The following RNF111 variants were observed in gnomAD, a reference collection of about 807,000 sequenced individuals.
RNF111 encodes the protein ring finger protein 111.
Under a neutral mutation model 95.1 loss-of-function variants are expected in RNF111, and 17 were observed. That is an observed-to-expected ratio of 0.18 (90% confidence interval 0.12 to 0.27). The LOEUF is 0.27. Ranked by LOEUF, RNF111 falls within the 10% of genes least tolerant of loss-of-function variation. RNF111 has a pLI of 1.00. For synonymous variants in RNF111, 440 were observed against 414.8 expected (o/e 1.06, Z -0.74); for missense variants, 1,189 against 1,210.4 (o/e 0.98, Z 0.26).
chr15:59,018,013 C>T (rs1490759823), intron 1 of RNF111, among the ~76,000 whole-genome samples: 1 of 152,054 alleles, frequency 6.6e-6, no homozygotes, highest in African/African-American at 2.4e-5. Context: ...CCTGCCTCAG[C>T]CTCCCAAAGC....
At chr15:59,085,904 G>A (rs1235006711) in intron 10 of RNF111, 119 bp downstream of exon 10, 2 of 891,840 alleles carry the variant, frequency 2.2e-6, no homozygotes, top group Non-Finnish European at 1.6e-6. Context: ...GAGTAATCTT[G>A]TTAGCTAAAA....
intron 2 of RNF111, among the ~76,000 whole-genome samples, chr15:59,045,769 T>A (rs1283580762): frequency 1.3e-5 from 2 of 152,256 alleles, no homozygotes. Context: ...AGTCAATGGT[T>A]AGCTGGATTA....
At chr15:59,084,510 T>C in intron 9 of RNF111, 1 of 315,716 alleles carries the variant, frequency 3.2e-6, no homozygotes, top group East Asian at 5.3e-5. Flanking sequence ...AATAATTGTA[T>C]ATATTTGGAG....
chr15:59,066,296 TATG>T (rs2042652069), intron 5 of RNF111, among the ~76,000 whole-genome samples: 1 of 152,150 alleles, frequency 6.6e-6, no homozygotes, highest in Non-Finnish European at 1.5e-5. Context: ...CATAAAATCA[TATG>T]ATGTATATGT....
intron 1 of RNF111, among the ~76,000 whole-genome samples, chr15:59,018,981 T>A (rs867454144): frequency 1.3e-5 from 2 of 152,084 alleles, no homozygotes; most frequent in African/African-American, 4.8e-5. Flanking sequence ...TGGAGTGCAG[T>A]GGTAAGACCT....
At position 59,073,491 on chromosome 15, in the gene RNF111, A is replaced by AAT. The variant is rs1555399558; in HGVS notation, c.1687-2462_1687-2461insTA. Among the ~76,000 whole-genome samples the AAT allele has an allele frequency of 5.4e-3, 748 of 139,778 alleles. 7 individuals carry two copies. Among genetic ancestry groups the AAT allele is most frequent in the Middle Eastern group, 0.049 (13 of 266 alleles). The allele number at this position is 139,778 out of a possible 152,430, so 91.7% of individuals were successfully genotyped here. On this transcript the variant is annotated intron_variant, in intron 6 of 13. Transcript: ENST00000348370. ...GTGAGACACCATCTCCAAAAAAAAA[A>AAT]AAAATAAATAAACTACTTTCTTTGC...
rs532813954 is a variant in RNF111 at position 59,095,857 on chromosome 15, G to C, written c.*957G>C. The C allele has an allele frequency of 1.5e-4, 60 of 395,878 alleles. No individual in the cohort carries two copies. The South Asian group carries it at 5.4e-3, about 36-fold the overall frequency. The allele number at this position is 395,878 out of a possible 1,614,324, so 24.5% of individuals were successfully genotyped here. A position where few individuals can be genotyped will look rare whatever the true frequency, so the allele number is the denominator to read the frequency against. On this transcript the variant is annotated 3_prime_UTR_variant, in exon 14 of 14. Transcript: ENST00000348370. ...CATTAAGTCAAGATTTGGAATTTAAGTCACTGGCAGGTATCTGTGCATTCA... is the reference window on the plus strand; with the variant it reads ...CATTAAGTCAAGATTTGGAATTTAACTCACTGGCAGGTATCTGTGCATTCA...
At chr15:59,062,052 T>TTC (rs386383156) in intron 5 of RNF111, among the ~76,000 whole-genome samples, 2 of 101,752 alleles carry the variant, frequency 2.0e-5, no homozygotes, top group East Asian at 7.5e-4. Context: ...TTTAAACTTC[T>TTC]TTTTTTTTTT....
At chr15:59,024,049 T>A (rs1223985603) in intron 1 of RNF111, among the ~76,000 whole-genome samples, 2 of 152,204 alleles carry the variant, frequency 1.3e-5, no homozygotes, top group African/African-American at 4.8e-5. Context: ...TATGGTCAGT[T>A]TCTCTCTTTT....
chr15:59,020,529 G>A (rs565490621), intron 1 of RNF111, among the ~76,000 whole-genome samples: 1 of 152,316 alleles, frequency 6.6e-6, no homozygotes, highest in South Asian at 2.1e-4. Context: ...TGCTAGAGCA[G>A]TAGACTCTGT....
chr15:59,003,485 A>G (rs1358802177), intron 1 of RNF111, among the ~76,000 whole-genome samples: 2 of 147,384 alleles, frequency 1.4e-5, no homozygotes, highest in Admixed American at 1.3e-4. Context: ...TGCAACCTCC[A>G]CCTCCTAGGC....
At chr15:59,078,175 A>G (rs941259227) in intron 7 of RNF111, among the ~76,000 whole-genome samples, 6 of 152,170 alleles carry the variant, frequency 3.9e-5, no homozygotes, top group Admixed American at 3.3e-4. Flanking sequence ...AATAATTCCT[A>G]TTGGCTATAA....
At chr15:59,043,950 G>C (rs1566905339) in intron 2 of RNF111, among the ~76,000 whole-genome samples, 1 of 152,194 alleles carries the variant, frequency 6.6e-6, no homozygotes, top group Non-Finnish European at 1.5e-5. Flanking sequence ...AACTTTCTAA[G>C]CTTCAGTTTC....
chr15:59,000,581 G>A (rs2039281989), intron 1 of RNF111, among the ~76,000 whole-genome samples: 1 of 151,894 alleles, frequency 6.6e-6, no homozygotes, highest in Admixed American at 6.6e-5. Flanking sequence ...ATGGTGGCGG[G>A]CGCCTATAAT....
At position 59,096,049 on chromosome 15, in the gene RNF111, C is replaced by A. The variant is rs1394148480; in HGVS notation, c.*1149C>A. On this transcript the variant is annotated 3_prime_UTR_variant, in exon 14 of 14. Transcript: ENST00000348370. ...AAATTATACTGTCAACCTACTGTTGCTATGGTTATATACTCCCACTTCATA... is the reference window on the plus strand; with the variant it reads ...AAATTATACTGTCAACCTACTGTTGATATGGTTATATACTCCCACTTCATA... The A allele has an allele frequency of 2.5e-6, 1 of 398,622 alleles. No homozygotes were observed. Among genetic ancestry groups the A allele is most frequent in the Admixed American group, 4.4e-5 (1 of 22,724 alleles). The allele number at this position is 398,622 out of a possible 1,614,324, so 24.7% of individuals were successfully genotyped here.
At chr15:59,084,050 G>A (rs2078826692) in intron 8 of RNF111, 79 bp from the exon 9 acceptor site, 1 of 1,351,916 alleles carries the variant, frequency 7.4e-7, no homozygotes, top group Admixed American at 2.7e-5. Flanking sequence ...TAATACTAGG[G>A]ATTTTTTTCT....
Position 59,031,392 on chromosome 15 carries a change from A to T in RNF111, c.570A>T (p.Glu190Asp). 1 of 1,614,184 alleles carries T rather than the reference A, an allele frequency of 6.2e-7. No individual in the cohort carries two copies. The highest frequency in any genetic ancestry group is 8.5e-7 in the Non-Finnish European group (1 of 1,180,022). The change falls in exon 2 of 14, where the codon GAA becomes GAT. Residue 190 changes from glutamate (E) to aspartate (D), a missense_variant. This residue lies in a region of RNF111 where 1,024 missense variants were observed against 925.9 expected (regional missense o/e 1.11). Transcript: ENST00000348370. The stretch of plus-strand genomic sequence containing the variant: ...ATAAGTGGCCTCGGACTGAGACAGA[A>T]TCTGTATCGGGATTGTTAATGAAAA... Reference protein sequence around the residue: ...RSHKWPRTETESVSGLLMKRP... With the variant: ...RSHKWPRTETDSVSGLLMKRP...
At chr15:58,995,817 A>G (rs572263660) in intron 1 of RNF111, among the ~76,000 whole-genome samples, 1 of 146,984 alleles carries the variant, frequency 6.8e-6, no homozygotes, top group Non-Finnish European at 1.5e-5. Context: ...TGGCACAGCA[A>G]GATGTTGCAA....
intron 6 of RNF111, among the ~76,000 whole-genome samples, chr15:59,067,292 C>T (rs1260096162): frequency 6.7e-6 from 1 of 148,580 alleles, no homozygotes; most frequent in African/African-American, 2.5e-5. Context: ...CTCTCTTCCC[C>T]TCCTTCCTTC....
Sources: gnomAD v4.1 joint callset for allele counts (sites outside exome capture counted in the v4.1 genomes callset) on GRCh38, gnomAD v4.1.1 for gene constraint, gnomAD v4.1.1 regional missense constraint, MANE v1.5 for transcripts, NCBI Gene and HGNC (gene_info 2026-07-23, HGNC 2026-07-21) for gene names.